KLHDC8B: variants seen among roughly 807,000 people sequenced by gnomAD.
KLHDC8B encodes the protein kelch domain containing 8B.
Under a neutral mutation model 26.3 loss-of-function variants are expected in KLHDC8B, and 19 were observed. The ratio of observed to expected loss-of-function variants is 0.72; its 90% confidence interval spans 0.50 to 1.06. The LOEUF is 1.06. Ranked by LOEUF, KLHDC8B falls within the 50% of genes least tolerant of loss-of-function variation. KLHDC8B has a pLI of 0.00. For synonymous variants in KLHDC8B, 150 were observed against 188.4 expected, an observed-to-expected ratio of 0.80 and a Z score of 1.67; for missense variants, 411 against 488.1, an observed-to-expected ratio of 0.84 and a Z score of 1.49.
chr3:49,174,421 G>A lies in KLHDC8B; in HGVS notation c.541+18G>A. The A allele has an allele frequency of 6.2e-7, 1 of 1,600,958 alleles. No homozygotes were observed. Among genetic ancestry groups the A allele is most frequent in the Non-Finnish European group, 8.5e-7 (1 of 1,170,468 alleles). On this transcript the variant is annotated intron_variant, in intron 3 of 5. Transcript: ENST00000332780. Reference sequence around the variant, plus strand: ...TGTCCTGGGTAAGGGCCTGGGGAATGTGGGAAGGGGGCTCAGAGTCTAGAA... The same window carrying A: ...TGTCCTGGGTAAGGGCCTGGGGAATATGGGAAGGGGGCTCAGAGTCTAGAA...
In KLHDC8B at chr3:49,174,475, A is replaced by G. The variant is rs374669812; in HGVS notation, c.541+72A>G. On this transcript the variant is annotated intron_variant, in intron 3 of 5. Transcript: ENST00000332780. ...CTCATCCTCATAGGTTGGCTGGGAT[A>G]GGGATCAGGCTCAGTCCAGGATGGC... 6.0e-6 allele frequency: 9 copies of G among 1,508,340 alleles called. No individual in the cohort carries two copies. In the East Asian group the frequency reaches 1.8e-4, roughly 31 times the overall value. The allele number at this position is 1,508,340 out of a possible 1,614,324, so 93.4% of individuals were successfully genotyped here.
Position 49,176,087 on chromosome 3 carries a change from G to A in KLHDC8B, c.*286G>A. 4.7e-6 allele frequency: 2 copies of A among 424,600 alleles called. No homozygotes were observed. Among genetic ancestry groups the A allele is most frequent in the Non-Finnish European group, 8.4e-6 (2 of 237,204 alleles). 26.3% of individuals were successfully genotyped at this position (424,600 alleles called of 1,614,324 possible). ...GCCTTCCATCCAACTGGGAAATGGG[G>A]AGAAGCAAAGCTGGCCTCATGCTCT... On this transcript the variant is annotated 3_prime_UTR_variant, in exon 6 of 6. Transcript: ENST00000332780.
chr3:49,172,606 C>T (rs1018501722), intron 1 of KLHDC8B, 30 bp from the exon 2 acceptor site: 100 of 671,930 alleles, frequency 1.5e-4, no homozygotes, highest in Non-Finnish European at 2.3e-4. Context: ...CGGTCAGTGC[C>T]CTGACCCCTG....
At position 49,174,869 on chromosome 3, in the gene KLHDC8B, C is replaced by T. The variant is rs763727189; in HGVS notation, c.669C>T (p.Ser223=). 4.3e-6 allele frequency: 7 copies of T among 1,614,046 alleles called. No homozygotes were observed. In the Admixed American group the frequency reaches 8.3e-5, roughly 19 times the overall value. Reference sequence around the variant, plus strand: ...CTGGCTGCGCCATGGCTGAAGGCAGCGTCTTTAGCCTGGGTGGCCTGCAGC... The same window carrying T: ...CTGGCTGCGCCATGGCTGAAGGCAGTGTCTTTAGCCTGGGTGGCCTGCAGC... The part of the protein sequence containing the change: ...AFAGCAMAEG[S]VFSLGGLQQP... The change falls in exon 4 of 6, where the codon AGC becomes AGT. Residue 223 remains serine, a synonymous_variant. Transcript: ENST00000332780.
chr3:49,175,031 A>G (rs2045812820), intron 4 of KLHDC8B, 31 bp from the exon 5 acceptor site: 5 of 1,613,932 alleles, frequency 3.1e-6, no homozygotes, highest in Non-Finnish European at 3.4e-6. Flanking sequence ...TAGTGTGTAC[A>G]TGACTAGATC....
chr3:49,175,095 T>TG lies in KLHDC8B; in HGVS notation c.801dup (p.Arg268GlufsTer3). The TG allele has an allele frequency of 6.2e-7, 1 of 1,614,128 alleles. No homozygotes were observed. The highest frequency in any genetic ancestry group is 8.5e-7 in the Non-Finnish European group (1 of 1,180,012). Reference sequence around the variant, plus strand: ...ACCAAATTGCCCCGCAGCCTGCGCATGAGGGATAAGAGGGCAGACTTTGTG... The same window carrying TG: ...ACCAAATTGCCCCGCAGCCTGCGCATGGAGGGATAAGAGGGCAGACTTTGTG... On this transcript the variant is annotated frameshift_variant, in exon 5 of 6. Coordinates refer to ENST00000332780, the MANE Select transcript of KLHDC8B (RefSeq NM_173546.3). LOFTEE classifies it high-confidence loss of function.
At position 49,175,157 on chromosome 3, in the gene KLHDC8B, G is replaced by T; in HGVS notation, c.862G>T (p.Gly288Cys). 6.2e-7 allele frequency: 1 copy of T among 1,613,728 alleles called. No homozygotes were observed. Among genetic ancestry groups the T allele is most frequent in the South Asian group, 1.1e-5 (1 of 91,074 alleles). Residue 288 changes from glycine to cysteine, a missense_variant, in exon 5 of 6, where the codon GGC (glycine) becomes TGC (cysteine). Transcript: ENST00000332780. ...SLGGHIVAIG[G>C]LGNQPCPLGS... ...TGGGGGCCACATTGTGGCCATTGGG[G>T]GCCTTGGTAAGTCTCTATGGGGCTG...
At chr3:49,173,952 G>A (rs546343363) in intron 2 of KLHDC8B, among the ~76,000 whole-genome samples, 1 of 152,184 alleles carries the variant, frequency 6.6e-6, no homozygotes, top group Non-Finnish European at 1.5e-5. Flanking sequence ...GCCCAGGCCA[G>A]CCCTGCTTGG....
In KLHDC8B at chr3:49,176,315, C is replaced by T. The variant is rs1470738669; in HGVS notation, c.*514C>T. 6.4e-6 allele frequency: 1 copy of T among 156,460 alleles called. No homozygotes were observed. The highest frequency in any genetic ancestry group is 1.4e-5 in the Non-Finnish European group (1 of 71,052). The allele number at this position is 156,460 out of a possible 1,614,324, so 9.7% of individuals were successfully genotyped here. A position where few individuals can be genotyped will look rare whatever the true frequency, so the allele number is the denominator to read the frequency against. ...AAGTGGAGGAATGCTGGCTTTGAGC[C>T]CTCTACACTGCTGGTTGTATGACCT... On this transcript the variant is annotated 3_prime_UTR_variant, in exon 6 of 6. Transcript: ENST00000332780.
rs1194345553 is a variant in KLHDC8B, at chr3:49,172,985, A to C, written c.216A>C (p.Ala72=). The C allele has an allele frequency of 1.9e-6, 3 of 1,613,930 alleles. No individual in the cohort carries two copies. Among genetic ancestry groups the C allele is most frequent in the Non-Finnish European group, 2.5e-6 (3 of 1,179,984 alleles). The change falls in exon 2 of 6, where the codon GCA becomes GCC. Residue 72 remains alanine (A), a synonymous_variant. Coordinates refer to ENST00000332780, the MANE Select transcript of KLHDC8B (RefSeq NM_173546.3). ...LAPLPTARAG[A]AAVVLGKQVL... is the part of the protein sequence containing the mutation. ...CCCTGCCCACTGCCCGGGCTGGTGC[A>C]GCTGCGGTAGTTCTGGGCAAGCAGG...
At chr3:49,171,939 C>T (rs1387936675) in intron 1 of KLHDC8B, among the ~76,000 whole-genome samples, 2 of 152,180 alleles carry the variant, frequency 1.3e-5, no homozygotes, top group Non-Finnish European at 2.9e-5. Context: ...ACCCTGGAGT[C>T]CTGTGGTCAT....
rs1190420893 is a variant in KLHDC8B at position 49,172,736 on chromosome 3, C to T, written c.-34C>T. 1.6e-5 allele frequency: 25 copies of T among 1,588,982 alleles called. No individual in the cohort carries two copies. Among genetic ancestry groups the T allele is most frequent in the African/African-American group, 2.7e-5 (2 of 74,752 alleles). On this transcript the variant is annotated 5_prime_UTR_variant, in exon 2 of 6. Transcript: ENST00000332780. ...TCCCCAGTGAGGCCTACAGTCTGAG[C>T]AGACAGCATGGCCTGCCACTGGCAG... is the stretch of plus-strand genomic sequence containing the variant.
In KLHDC8B at chr3:49,175,821, C is replaced by T. The variant is rs1206607945; in HGVS notation, c.*20C>T. ...GTCTGAAGGCTTGGTGGGAGCTGTC[C>T]ACTGGAGCAGCTCATTGCCAGAGGC... On this transcript the variant is annotated 3_prime_UTR_variant, in exon 6 of 6. Transcript: ENST00000332780. 3 of 1,612,104 alleles carry T rather than the reference C, an allele frequency of 1.9e-6. No individual in the cohort carries two copies. Among genetic ancestry groups the T allele is most frequent in the Non-Finnish European group, 2.5e-6 (3 of 1,178,584 alleles).
Position 49,175,806 on chromosome 3 carries a change from T to C in KLHDC8B, c.*5T>C, listed in dbSNP as rs1033592433. On this transcript the variant is annotated 3_prime_UTR_variant, in exon 6 of 6. Coordinates refer to ENST00000332780, the MANE Select transcript of KLHDC8B (RefSeq NM_173546.3). Reference sequence around the variant, plus strand: ...TGTCTGCGTGATGGGGTCTGAAGGCTTGGTGGGAGCTGTCCACTGGAGCAG... The same window carrying C: ...TGTCTGCGTGATGGGGTCTGAAGGCCTGGTGGGAGCTGTCCACTGGAGCAG... The C allele has an allele frequency of 1.2e-6, 2 of 1,613,816 alleles. No individual in the cohort carries two copies. Among genetic ancestry groups the C allele is most frequent in the Non-Finnish European group, 1.7e-6 (2 of 1,179,902 alleles).
intron 5 of KLHDC8B, 94 bp downstream of exon 5, chr3:49,175,257 C>T (rs1326399549): frequency 1.0e-6 from 1 of 989,868 alleles, no homozygotes; most frequent in African/African-American, 1.6e-5. Context: ...TCTCCAGGCA[C>T]TCCAGGGGTC....
In KLHDC8B at chr3:49,175,794, G is replaced by C; in HGVS notation, c.1058G>C (p.Gly353Ala). 1 of 1,614,000 alleles carries C rather than the reference G, an allele frequency of 6.2e-7. No individual in the cohort carries two copies. Among genetic ancestry groups the C allele is most frequent in the Non-Finnish European group, 8.5e-7 (1 of 1,179,982 alleles). Reference sequence around the variant, plus strand: ...GTGGAGGCACTGTGTCTGCGTGATGGGGTCTGAAGGCTTGGTGGGAGCTGT... The same window carrying C: ...GTGGAGGCACTGTGTCTGCGTGATGCGGTCTGAAGGCTTGGTGGGAGCTGT... ...QAVEALCLRD[G>A]V Residue 353 changes from glycine to alanine, a missense_variant, in exon 6 of 6, where the codon GGG (glycine) becomes GCG (alanine). By Grantham distance (60) the Gly-to-Ala change is moderately conservative. Transcript: ENST00000332780.
rs367857888 is a variant in KLHDC8B, at chr3:49,175,658, C to T, written c.922C>T (p.Arg308Cys). ...GGAGAGCTTTAGCCTTGCACGGCGG[C>T]GCTGGGAGGCATTGCCTGCCATGCC... ...SVESFSLARR[R>C]WEALPAMPTA... Residue 308 changes from arginine to cysteine, a missense_variant, in exon 6 of 6, where the codon CGC (arginine) becomes TGC (cysteine). Arg to Cys is a radical substitution (Grantham distance 180). Coordinates refer to ENST00000332780, the MANE Select transcript of KLHDC8B (RefSeq NM_173546.3). 69 of 1,608,098 alleles carry T rather than the reference C, an allele frequency of 4.3e-5. No homozygotes were observed. The highest frequency in any genetic ancestry group is 5.0e-5 in the Non-Finnish European group (59 of 1,176,796).
chr3:49,172,832 G>T lies in KLHDC8B; in HGVS notation c.63G>T (p.Arg21=). ...TGTTCCCCCCCATGCCCACTTGCCG[G>T]GTCTATGGCACAGTGGCACACCAAG... ...WQVFPPMPTC[R]VYGTVAHQDG... Residue 21 remains arginine, a synonymous_variant, in exon 2 of 6, where the codon CGG becomes CGT. Coordinates refer to ENST00000332780, the MANE Select transcript of KLHDC8B (RefSeq NM_173546.3). The T allele has an allele frequency of 6.2e-7, 1 of 1,614,086 alleles. No homozygotes were observed. Among genetic ancestry groups the T allele is most frequent in the Non-Finnish European group, 8.5e-7 (1 of 1,180,004 alleles).
At chr3:49,174,533 G>A in intron 3 of KLHDC8B, 130 bp downstream of exon 3, 1 of 1,218,242 alleles carries the variant, frequency 8.2e-7, no homozygotes, top group Non-Finnish European at 1.1e-6. Flanking sequence ...GGTGATCCAT[G>A]CCTGCTCTGA....
Sources: gnomAD v4.1 joint callset for allele counts (sites outside exome capture counted in the v4.1 genomes callset) on GRCh38, gnomAD v4.1.1 for gene constraint, MANE v1.5 for transcripts, NCBI Gene and HGNC (gene_info 2026-07-23, HGNC 2026-07-21) for gene names.